MYO19: variants seen among roughly 807,000 people sequenced by gnomAD.
MYO19 encodes the protein myosin XIX.
In MYO19, 132 loss-of-function variants were observed where a neutral mutation model predicts 129.2. That is an observed-to-expected ratio of 1.02 (90% CI 0.89 to 1.18). MYO19 has a LOEUF of 1.18. MYO19 is among the 50% of genes most tolerant of loss of function. MYO19 has a pLI of 0.00. For missense variants in MYO19, 1,210 were observed against 1,216.7 expected (o/e 0.99, Z 0.08); for synonymous variants, 531 against 477.2 (o/e 1.11, Z -1.47).
chr17:36,498,852 T>A (rs2142708931), intron 24 of MYO19: 3 of 592,296 alleles, frequency 5.1e-6, no homozygotes, highest in African/African-American at 1.9e-5. Flanking sequence ...CAGAGTTTGG[T>A]ATATTCCCAG....
chr17:36,514,568 GAGCCCGTTAGTTGCCCATTCATTCCAT>G lies in MYO19; in HGVS notation c.618-47_618-21del. 7 of 1,513,146 alleles carry G rather than the reference GAGCCCGTTAGTTGCCCATTCATTCCAT, an allele frequency of 4.6e-6. No individual in the cohort carries two copies. In the South Asian group the frequency reaches 7.9e-5, roughly 17 times the overall value. 93.7% of individuals were successfully genotyped at this position (1,513,146 alleles called of 1,614,324 possible). A position where few individuals can be genotyped will look rare whatever the true frequency, so the allele number is the denominator to read the frequency against. ...TGAGCCCTGGGACACACACAGGCCA[GAGCCCGTTAGTTGCCCATTCATTCCAT>G]AGCCATGTCTGGCAATCTGGGTGTG... is the stretch of plus-strand genomic sequence containing the variant. On this transcript the variant is annotated intron_variant, in intron 8 of 25. Coordinates refer to ENST00000614623, the MANE Select transcript of MYO19 (RefSeq NM_001163735.2).
intron 18 of MYO19, 32 bp downstream of exon 18, chr17:36,506,424 C>G: frequency 6.2e-7 from 1 of 1,613,526 alleles, no homozygotes; most frequent in Non-Finnish European, 8.5e-7. Context: ...GGAGTTTGAA[C>G]CAAGCACCTC....
chr17:36,512,713 G>T (rs1038894916), intron 11 of MYO19: 1 of 1,289,158 alleles, frequency 7.8e-7, no homozygotes, highest in Non-Finnish European at 1.0e-6. Context: ...CCACTGCATT[G>T]CTACCTCCCT....
intron 2 of MYO19, among the ~76,000 whole-genome samples, 193 bp from the exon 3 acceptor site, chr17:36,532,874 G>C (rs983753542): frequency 6.6e-6 from 1 of 152,124 alleles, no homozygotes; most frequent in Non-Finnish European, 1.5e-5. Flanking sequence ...AGGCTCCCTG[G>C]GCCAGTTTTA....
At chr17:36,537,563 A>G (rs1170311490), upstream of MYO19, 3 of 1,613,928 alleles carry the variant, frequency 1.9e-6, no homozygotes, top group Admixed American at 3.3e-5. Flanking sequence ...TTTTTCCCAG[A>G]AGATTTGCCA....
At chr17:36,526,978 G>A (rs1222204341) in intron 5 of MYO19, among the ~76,000 whole-genome samples, 1 of 152,042 alleles carries the variant, frequency 6.6e-6, no homozygotes, top group African/African-American at 2.4e-5. Flanking sequence ...TCAGGAGTTT[G>A]AGACCAGCCT....
In MYO19 at chr17:36,507,506, A is replaced by G. The variant is rs747712276; in HGVS notation, c.1360T>C (p.Tyr454His). The G allele has an allele frequency of 6.2e-7, 1 of 1,613,392 alleles. No individual in the cohort carries two copies. Among genetic ancestry groups the G allele is most frequent in the Non-Finnish European group, 8.5e-7 (1 of 1,179,786 alleles). ...GACCACTCCAGGCCCTCAACTGCGTATTCCTCCTAAAGAACAAGGTGGGAT... is the reference window on the plus strand; with the variant it reads ...GACCACTCCAGGCCCTCAACTGCGTGTTCCTCCTAAAGAACAAGGTGGGAT... ...AHYLRAQQEE[Y>H]AVEGLEWSFI... Residue 454 changes from tyrosine to histidine, a missense_variant, in exon 16 of 26, where the codon TAC becomes CAC. Physicochemically the swap from Tyr to His is moderately conservative, Grantham distance 83. Coordinates refer to ENST00000614623, the MANE Select transcript of MYO19 (RefSeq NM_001163735.2).
intron 9 of MYO19, 39 bp downstream of exon 9, chr17:36,514,407 T>A (rs774170106): frequency 1.5e-6 from 2 of 1,340,178 alleles, no homozygotes; most frequent in African/African-American, 2.9e-5. Context: ...CCCATCCCTG[T>A]CTCGCATCTG....
chr17:36,509,033 G>C (rs758035973), intron 14 of MYO19, 29 bp downstream of exon 14: 3 of 1,602,676 alleles, frequency 1.9e-6, no homozygotes. Context: ...TTTTTCTGGA[G>C]TGCTCCCAGC....
At chr17:36,540,578 C>G (rs1421636475) in intron 2 of MYO19, among the ~76,000 whole-genome samples, 1 of 152,078 alleles carries the variant, frequency 6.6e-6, no homozygotes. Flanking sequence ...ACCATGTTGG[C>G]CAGGCCAGTC....
At chr17:36,538,270 T>C (rs1425282416), upstream of MYO19, 2 of 1,613,372 alleles carry the variant, frequency 1.2e-6, no homozygotes, top group Admixed American at 1.7e-5. Flanking sequence ...AGTTTATTAC[T>C]GGGTGATATA....
intron 12 of MYO19, 108 bp from the exon 13 acceptor site, chr17:36,511,025 G>A: frequency 7.7e-7 from 1 of 1,298,866 alleles, no homozygotes; most frequent in East Asian, 2.5e-5. Flanking sequence ...CTGGACAGAA[G>A]AAACCTAAGT....
intron 5 of MYO19, among the ~76,000 whole-genome samples, chr17:36,526,052 T>A (rs1454634318): frequency 6.6e-6 from 1 of 152,094 alleles, no homozygotes; most frequent in Admixed American, 6.6e-5. Flanking sequence ...CCAGCAGTGA[T>A]CACTTACCCA....
intron 11 of MYO19, chr17:36,512,933 G>A (rs2072467235): frequency 2.4e-6 from 2 of 848,362 alleles, no homozygotes; most frequent in South Asian, 3.6e-5. Context: ...GACAGAGAGG[G>A]TAGGAACTTG....
intron 13 of MYO19, 82 bp from the exon 14 acceptor site, chr17:36,509,217 G>T: frequency 1.6e-6 from 2 of 1,260,092 alleles, no homozygotes; most frequent in Non-Finnish European, 2.3e-6. Flanking sequence ...CCATCAGGGT[G>T]CTACACCCTG....
Position 36,507,897 on chromosome 17 carries a change from G to T in MYO19, c.1259C>A (p.Ser420Ter), listed in dbSNP as rs775888152. 1.9e-6 allele frequency: 3 copies of T among 1,611,730 alleles called. No homozygotes were observed. In the African/African-American group the frequency reaches 4.0e-5, roughly 22 times the overall value. Residue 420 changes from serine to a stop codon, truncating the protein, a stop_gained, in exon 15 of 26, where the codon TCA becomes TAA. Coordinates refer to ENST00000614623, the MANE Select transcript of MYO19 (RefSeq NM_001163735.2). LOFTEE classifies it high-confidence loss of function. Reference protein sequence around the residue: ...IGLLDVYGFESFPDNSLEQLC... With the variant: ...IGLLDVYGFE Reference sequence around the variant, plus strand: ...CTGTTCCAGACTGTTGTCAGGAAATGATTCAAATCCATACACATCCAGCAG... The same window carrying T: ...CTGTTCCAGACTGTTGTCAGGAAATTATTCAAATCCATACACATCCAGCAG...
At chr17:36,535,007 A>T (rs1258206075), upstream of MYO19, 1 of 152,364 alleles carries the variant, frequency 6.6e-6, no homozygotes, top group South Asian at 2.1e-4. Context: ...CGGGGCGCGC[A>T]CGTGGCTTGG....
At chr17:36,507,626 C>G (rs974484791) in intron 15 of MYO19, 114 bp from the exon 16 acceptor site, 1 of 1,346,018 alleles carries the variant, frequency 7.4e-7, no homozygotes, top group African/African-American at 1.4e-5. Flanking sequence ...ATCAAAGAAA[C>G]AAAAGTATAT....
At chr17:36,528,396 A>G (rs748979744) in intron 3 of MYO19, among the ~76,000 whole-genome samples, 194 bp from the exon 4 acceptor site, 28 of 152,240 alleles carry the variant, frequency 1.8e-4, no homozygotes, top group Non-Finnish European at 2.8e-4. Context: ...CTGTAGTCCC[A>G]GCTACTCGGA....
Sources: gnomAD v4.1 joint callset for allele counts (sites outside exome capture counted in the v4.1 genomes callset) on GRCh38, gnomAD v4.1.1 for gene constraint, MANE v1.5 for transcripts, NCBI Gene and HGNC (gene_info 2026-07-23, HGNC 2026-07-21) for gene names.